The following PID1 variants were observed in gnomAD, a reference collection of about 807,000 sequenced individuals.
The protein encoded by PID1 is phosphotyrosine interaction domain containing 1, also known as PTB-containing, cubilin and LRP1-interacting protein.
PID1 carries 10 observed loss-of-function variants against 19.1 expected under a neutral mutation model. The ratio of observed to expected loss-of-function variants is 0.52; its 90% confidence interval spans 0.32 to 0.89. PID1 has a LOEUF of 0.89. Ranked by LOEUF, PID1 falls within the 40% of genes least tolerant of loss-of-function variation. The pLI is 0.03. For synonymous variants in PID1, 130 were observed against 116.0 expected (o/e 1.12, Z -0.78); for missense variants, 248 against 285.3 (o/e 0.87, Z 0.94).
At chr2:229,176,162 A>C (rs920879466) in intron 1 of PID1, among the ~76,000 whole-genome samples, 10 of 107,480 alleles carry the variant, frequency 9.3e-5, no homozygotes, top group Admixed American at 1.9e-4. Context: ...CAAAAATTAA[A>C]AAAAAAAAAA....
chr2:229,268,707 A>G (rs928286989), intron 1 of PID1, among the ~76,000 whole-genome samples: 8 of 152,202 alleles, frequency 5.3e-5, no homozygotes, highest in Admixed American at 4.6e-4. Flanking sequence ...CTCATTCTCA[A>G]GTTTCCTATC....
intron 1 of PID1, among the ~76,000 whole-genome samples, chr2:229,166,137 T>C (rs1690592674): frequency 6.6e-6 from 1 of 152,064 alleles, no homozygotes; most frequent in Non-Finnish European, 1.5e-5. Context: ...CTCAACAAAG[T>C]GAAAAGGAAT....
At chr2:229,258,819 G>C (rs1476172262) in intron 1 of PID1, among the ~76,000 whole-genome samples, 2 of 142,046 alleles carry the variant, frequency 1.4e-5, no homozygotes, top group Non-Finnish European at 3.0e-5. Context: ...CTGAGATGGC[G>C]CCACTGCACT....
At chr2:229,197,120 C>T (rs576562448) in intron 1 of PID1, among the ~76,000 whole-genome samples, 1 of 152,032 alleles carries the variant, frequency 6.6e-6, no homozygotes, top group East Asian at 1.9e-4. Flanking sequence ...ACAAAAAACA[C>T]ATTAGGATAC....
chr2:229,161,304 C>T (rs1690488797), intron 1 of PID1, among the ~76,000 whole-genome samples: 2 of 152,092 alleles, frequency 1.3e-5, no homozygotes, highest in African/African-American at 4.8e-5. Flanking sequence ...AGAGAAATTT[C>T]CTGAGAAATG....
chr2:229,178,748 G>C (rs947384624), intron 1 of PID1, among the ~76,000 whole-genome samples: 1 of 152,106 alleles, frequency 6.6e-6, no homozygotes, highest in African/African-American at 2.4e-5. Flanking sequence ...TCTGTACAGA[G>C]CTAGACTATG....
chr2:229,093,060 G>A (rs545690069), intron 2 of PID1, among the ~76,000 whole-genome samples: 5 of 151,464 alleles, frequency 3.3e-5, no homozygotes, highest in African/African-American at 9.7e-5. Flanking sequence ...TGTGATGTTC[G>A]GTCTCCCACT....
chr2:229,163,686 T>TGTGTGCGCGCGCGTGCGC (rs1553570296), intron 1 of PID1, among the ~76,000 whole-genome samples: 1 of 124,902 alleles, frequency 8.0e-6, no homozygotes, highest in African/African-American at 2.7e-5. Flanking sequence ...CGTGTGCGTG[T>TGTGTGCGCGCGCGTGCGC]GTGTGTGTGT....
At chr2:229,239,584 G>A (rs972357115) in intron 1 of PID1, among the ~76,000 whole-genome samples, 1 of 152,050 alleles carries the variant, frequency 6.6e-6, no homozygotes, top group African/African-American at 2.4e-5. Flanking sequence ...TTTAGGAATA[G>A]GGGATGGAAA....
chr2:229,225,314 T>C (rs1692054487), intron 1 of PID1, among the ~76,000 whole-genome samples: 1 of 152,162 alleles, frequency 6.6e-6, no homozygotes, highest in Non-Finnish European at 1.5e-5. Context: ...AAGCACCGGA[T>C]AAATTACAGT....
chr2:229,101,820 T>C (rs1279513272), intron 2 of PID1, among the ~76,000 whole-genome samples: 1 of 152,154 alleles, frequency 6.6e-6, no homozygotes, highest in African/African-American at 2.4e-5. Flanking sequence ...ATTAAGAGCC[T>C]CCAAAAGATG....
intron 1 of PID1, among the ~76,000 whole-genome samples, chr2:229,209,791 C>T (rs1246008143): frequency 6.6e-6 from 1 of 152,022 alleles, no homozygotes; most frequent in Non-Finnish European, 1.5e-5. Context: ...ATTTTTAATG[C>T]TAAGTATAAT....
intron 1 of PID1, among the ~76,000 whole-genome samples, chr2:229,162,788 T>C (rs1690515990): frequency 6.6e-6 from 1 of 152,212 alleles, no homozygotes. Flanking sequence ...CCACTTATTG[T>C]AAATAAGGTA....
intron 1 of PID1, among the ~76,000 whole-genome samples, chr2:229,159,595 T>A (rs539938113): frequency 6.6e-6 from 1 of 152,224 alleles, no homozygotes; most frequent in Admixed American, 6.5e-5. Context: ...CCCCCACAAG[T>A]GCATATGCCA....
chr2:229,054,799 G>A (rs748881263), intron 2 of PID1, among the ~76,000 whole-genome samples: 12 of 147,386 alleles, frequency 8.1e-5, no homozygotes, highest in Admixed American at 1.4e-4. Context: ...TCTGCTTTTT[G>A]GATTTTCCTT....
At position 229,214,052 on chromosome 2, in the gene PID1, A is replaced by G. The variant is rs139833211; in HGVS notation, c.30+56962T>C. Among the ~76,000 whole-genome samples, 15 of 152,304 alleles carry G rather than the reference A, an allele frequency of 9.8e-5. No homozygotes were observed. In the East Asian group the frequency reaches 2.5e-3, roughly 25 times the overall value. ...TGGAGCAGAGGTGGGCATGTCTATAAACAAACATAAATGAAAGGATGACAA... is the reference window on the plus strand; with the variant it reads ...TGGAGCAGAGGTGGGCATGTCTATAGACAAACATAAATGAAAGGATGACAA... On this transcript the variant is annotated intron_variant, in intron 1 of 2. Transcript: ENST00000392055.
intron 1 of PID1, among the ~76,000 whole-genome samples, chr2:229,182,566 C>A (rs1273286641): frequency 6.6e-6 from 1 of 152,124 alleles, no homozygotes; most frequent in Non-Finnish European, 1.5e-5. Context: ...GCCACGGATT[C>A]CCACCATCTT....
chr2:229,242,070 T>C (rs191175112), intron 1 of PID1, among the ~76,000 whole-genome samples: 4 of 152,226 alleles, frequency 2.6e-5, no homozygotes, highest in South Asian at 2.1e-4. Context: ...ACTACATCAT[T>C]ATTTCACCCA....
chr2:229,270,083 G>C (rs1376467886), intron 1 of PID1, among the ~76,000 whole-genome samples: 1 of 152,214 alleles, frequency 6.6e-6, no homozygotes, highest in African/African-American at 2.4e-5. Flanking sequence ...GTCTTCAGAT[G>C]CACTCAGCCT....
Sources: allele counts gnomAD v4.1 joint callset (sites outside exome capture counted in the v4.1 genomes callset), GRCh38; gene constraint gnomAD v4.1.1; transcripts MANE v1.5; gene names NCBI Gene and HGNC (gene_info 2026-07-23, HGNC 2026-07-21).